The following TACC2 variants were observed in gnomAD, a reference collection of about 807,000 sequenced individuals.
The protein encoded by TACC2 is transforming acidic coiled-coil-containing protein 2.
In TACC2, 137 loss-of-function variants were observed where a neutral mutation model predicts 227.3. That is an observed-to-expected ratio of 0.60 (90% CI 0.52 to 0.69). The LOEUF is 0.69. TACC2 is among the 30% of genes least tolerant of loss of function. The probability of loss-of-function intolerance (pLI) is 0.00; values close to 1 mark genes in which losing one functional copy is unlikely to be tolerated. For missense variants in TACC2, 3,470 were observed against 3,694.4 expected (o/e 0.94, Z 1.57); for synonymous variants, 1,523 against 1,487.5 (o/e 1.02, Z -0.55).
intron 2 of TACC2, chr10:122,023,383 C>G (rs962435220): frequency 6.6e-6 from 1 of 152,096 alleles, no homozygotes; most frequent in African/African-American, 2.4e-5. Flanking sequence ...GAAAAGTTGT[C>G]AAACTCCAGC....
chr10:122,237,669 C>A, intron 17 of TACC2, 131 bp downstream of exon 17: 2 of 1,194,572 alleles, frequency 1.7e-6, no homozygotes, highest in African/African-American at 1.5e-5. Context: ...GTGTGGCACA[C>A]CATGCGTTTT....
chr10:122,233,994 C>T (rs2095809495), intron 16 of TACC2, among the ~76,000 whole-genome samples: 1 of 152,190 alleles, frequency 6.6e-6, no homozygotes, highest in Non-Finnish European at 1.5e-5. Context: ...GAGCACCAGG[C>T]CTGTGTCCAT....
At chr10:122,081,396 C>T (rs545396620) in intron 3 of TACC2, among the ~76,000 whole-genome samples, 59 of 150,444 alleles carry the variant, frequency 3.9e-4, no homozygotes, top group African/African-American at 1.4e-3. Context: ...GGCGTGGTGG[C>T]GGGCTTCTGC....
At position 122,085,359 on chromosome 10, in the gene TACC2, C is replaced by G; in HGVS notation, c.2859C>G (p.Cys953Trp). The change falls in exon 4 of 23, where the codon TGC becomes TGG. Residue 953 changes from cysteine to tryptophan, a missense_variant. By Grantham distance (215) the Cys-to-Trp change is radical. Transcript: ENST00000369005. Reference protein sequence around the residue: ...ALGEKRPEGACGDGQSSRVSP... With the variant: ...ALGEKRPEGAWGDGQSSRVSP... ...GGGAGAAGCGGCCAGAGGGAGCATG[C>G]GGTGATGGTCAGTCCTCGAGGGTCT... 6.2e-7 allele frequency: 1 copy of G among 1,613,932 alleles called. No homozygotes were observed. Among genetic ancestry groups the G allele is most frequent in the East Asian group, 2.2e-5 (1 of 44,860 alleles).
chr10:122,223,102 G>A (rs2095555357), intron 11 of TACC2, among the ~76,000 whole-genome samples: 2 of 139,838 alleles, frequency 1.4e-5, no homozygotes. Flanking sequence ...TACCCAGGTT[G>A]GAGTGCAGTG....
intron 1 of TACC2, among the ~76,000 whole-genome samples, chr10:122,016,990 C>T (rs1338499493): frequency 6.6e-6 from 1 of 152,170 alleles, no homozygotes; most frequent in Non-Finnish European, 1.5e-5. Context: ...AGAAGACTGC[C>T]ATCCACAAGC....
chr10:122,252,766 T>G (rs2096275868), intron 22 of TACC2, among the ~76,000 whole-genome samples: 1 of 152,208 alleles, frequency 6.6e-6, no homozygotes, highest in South Asian at 2.1e-4. Flanking sequence ...GTGCTGGGAT[T>G]GCAGGCGTGA....
At chr10:122,069,403 G>A (rs570368431) in intron 3 of TACC2, among the ~76,000 whole-genome samples, 15 of 152,020 alleles carry the variant, frequency 9.9e-5, no homozygotes, top group South Asian at 2.1e-4. Context: ...CACTACGCCC[G>A]GCTAATTTTT....
chr10:122,196,482 T>G (rs1317229001), intron 8 of TACC2, among the ~76,000 whole-genome samples: 1 of 152,184 alleles, frequency 6.6e-6, no homozygotes, highest in Non-Finnish European at 1.5e-5. Flanking sequence ...GTGACGGATA[T>G]TTCTTTGATT....
chr10:122,086,941 G>C lies in TACC2; in HGVS notation c.4441G>C (p.Glu1481Gln). Residue 1481 changes from glutamate to glutamine, a missense_variant, in exon 4 of 23, where the codon GAG (glutamate) becomes CAG (glutamine). Transcript: ENST00000369005. ...QVEKKQQLAG[E>Q]AEISHLALQD... ...GGAGAAGAAGCAACAGTTGGCTGGA[G>C]AGGCTGAGATTTCCCATCTGGCTCT... is the stretch of plus-strand genomic sequence containing the variant. 1 of 1,613,996 alleles carries C rather than the reference G, an allele frequency of 6.2e-7. No individual in the cohort carries two copies. Among genetic ancestry groups the C allele is most frequent in the Non-Finnish European group, 8.5e-7 (1 of 1,180,052 alleles).
intron 7 of TACC2, among the ~76,000 whole-genome samples, chr10:122,163,160 G>A (rs1383654277): frequency 6.6e-6 from 1 of 152,146 alleles, no homozygotes; most frequent in Non-Finnish European, 1.5e-5. Context: ...GCCTGAAGGA[G>A]GCAGAAGCCG....
intron 3 of TACC2, among the ~76,000 whole-genome samples, chr10:122,071,801 T>C (rs193008067): frequency 7.0e-6 from 1 of 143,390 alleles, no homozygotes; most frequent in Non-Finnish European, 1.5e-5. Context: ...GCACGAGAAA[T>C]GCTTGAACCC....
At chr10:122,105,987 CATT>C (rs2082746732) in intron 5 of TACC2, among the ~76,000 whole-genome samples, 2 of 98,642 alleles carry the variant, frequency 2.0e-5, no homozygotes, top group Non-Finnish European at 4.5e-5. Context: ...TATACATATA[CATT>C]TTTTTTTTTT....
intron 5 of TACC2, among the ~76,000 whole-genome samples, chr10:122,090,590 C>G (rs114346457): frequency 6.9e-6 from 1 of 144,020 alleles, no homozygotes; most frequent in Admixed American, 7.0e-5. Flanking sequence ...GAAAAGTAGA[C>G]AGAGAAAAAT....
intron 19 of TACC2, among the ~76,000 whole-genome samples, chr10:122,244,283 C>T (rs957023760): frequency 6.6e-6 from 1 of 152,158 alleles, no homozygotes; most frequent in Non-Finnish European, 1.5e-5. Flanking sequence ...TCTGGGTGGC[C>T]CCTGAGACTC....
intron 16 of TACC2, among the ~76,000 whole-genome samples, 195 bp downstream of exon 16, chr10:122,230,635 A>G (rs1008316794): frequency 2.0e-5 from 3 of 152,256 alleles, no homozygotes; most frequent in East Asian, 1.9e-4. Flanking sequence ...TAAGTCGATA[A>G]TGCTAAACCG....
At chr10:122,166,058 G>A (rs1033462984) in intron 7 of TACC2, among the ~76,000 whole-genome samples, 1 of 152,238 alleles carries the variant, frequency 6.6e-6, no homozygotes, top group Non-Finnish European at 1.5e-5. Context: ...GCAACAGAGT[G>A]TGGGGCCCAT....
chr10:122,228,204 C>A (rs1475953623), intron 14 of TACC2, among the ~76,000 whole-genome samples, 196 bp downstream of exon 14: 1 of 152,234 alleles, frequency 6.6e-6, no homozygotes. Flanking sequence ...CTATTCCCAC[C>A]AGTATGGTTT....
At position 122,227,837 on chromosome 10, in the gene TACC2, G is replaced by C; in HGVS notation, c.7725G>C (p.Gly2575=). The C allele has an allele frequency of 2.5e-6, 4 of 1,607,220 alleles. No homozygotes were observed. Among genetic ancestry groups the C allele is most frequent in the Non-Finnish European group, 3.4e-6 (4 of 1,176,200 alleles). ...GAAAGATGCCCTTTGCTTCCCCCAG[G>C]TCAAGTTTTGAAGAGACTGAAGCCC... ...RMSESPTPCS[G]SSFEETEALV... is the part of the protein sequence containing the mutation. The change falls in exon 14 of 23, where the codon GGG becomes GGC. Residue 2575 remains glycine, a splice_region_variant and synonymous_variant. Transcript: ENST00000369005.
Sources: allele counts gnomAD v4.1 joint callset (sites outside exome capture counted in the v4.1 genomes callset), GRCh38; gene constraint gnomAD v4.1.1; transcripts MANE v1.5; gene names NCBI Gene and HGNC (gene_info 2026-07-23, HGNC 2026-07-21).